SYTL2: variants seen among roughly 807,000 people sequenced by gnomAD.
SYTL2 encodes the protein synaptotagmin like 2, also known as synaptotagmin-like protein 2.
Under a neutral mutation model 198.7 loss-of-function variants are expected in SYTL2, and 165 were observed. The observed-to-expected ratio is 0.83, with a 90% CI of 0.73 to 0.94. SYTL2 has a LOEUF of 0.94. Among genes scored for constraint, SYTL2 ranks in the 40% least tolerant of loss-of-function variants. The pLI is 0.00. For missense variants in SYTL2, 2,835 were observed against 2,582.8 expected (o/e 1.10, Z -2.12); for synonymous variants, 966 against 917.7 (o/e 1.05, Z -0.95).
At chr11:85,763,365 C>T (rs912215025) in intron 1 of SYTL2, among the ~76,000 whole-genome samples, 2 of 152,120 alleles carry the variant, frequency 1.3e-5, no homozygotes, top group African/African-American at 4.8e-5. Flanking sequence ...GTCAATTGTC[C>T]AAAAGTTAAG....
At chr11:85,773,912 T>C (rs182079101) in intron 1 of SYTL2, among the ~76,000 whole-genome samples, 16 of 152,238 alleles carry the variant, frequency 1.1e-4, no homozygotes, top group Admixed American at 2.6e-4. Flanking sequence ...AACTAAACCA[T>C]AGTTCTTAAA....
intron 8 of SYTL2, among the ~76,000 whole-genome samples, chr11:85,721,420 C>A (rs1379868307): frequency 6.6e-6 from 1 of 151,670 alleles, no homozygotes; most frequent in Non-Finnish European, 1.5e-5. Context: ...TTCTCCAGAT[C>A]AAAGGTTGTA....
the SYTL2 span, among the ~76,000 whole-genome samples, chr11:85,837,699 T>C: frequency 3.8e-3 from 577 of 152,278 alleles, 6 homozygotes; most frequent in African/African-American, 0.014. Context: ...CCAAATCTGA[T>C]TTCTACCCTG....
chr11:85,724,243 C>T lies in SYTL2; in HGVS notation c.5115G>A (p.Glu1705=). The T allele has an allele frequency of 1.3e-6, 2 of 1,569,652 alleles. No homozygotes were observed. The highest frequency in any genetic ancestry group is 2.8e-5 in the African/African-American group (2 of 72,696). Reference sequence around the variant, plus strand: ...TGGACACACTAATTGCTTCAGAAGCCTCTCCAAAGCCAGGTTCCTGAAGAG... The same window carrying T: ...TGGACACACTAATTGCTTCAGAAGCTTCTCCAAAGCCAGGTTCCTGAAGAG... ...QGTLQEPGFG[E]ASEAISVSRN... Residue 1705 remains glutamate, a synonymous_variant, in exon 8 of 20, where the codon GAG becomes GAA. Coordinates refer to ENST00000359152, the MANE Select transcript of SYTL2 (RefSeq NM_206927.4).
chr11:85,757,775 T>C lies in SYTL2; in HGVS notation c.-50A>G. On this transcript the variant is annotated 5_prime_UTR_variant, in exon 2 of 20. Transcript: ENST00000359152. ...TAGCAACAAATGTGGCTCAAAATTC[T>C]CAGGGCTGAACAACTAAGACTGCAA... 6.2e-7 allele frequency: 1 copy of C among 1,601,686 alleles called. No individual in the cohort carries two copies. Among genetic ancestry groups the C allele is most frequent in the Non-Finnish European group, 8.5e-7 (1 of 1,178,274 alleles).
chr11:85,736,658 G>A (rs573856475), intron 5 of SYTL2, 43 bp from the exon 6 acceptor site: 1 of 1,082,650 alleles, frequency 9.2e-7, no homozygotes, highest in Non-Finnish European at 1.4e-6. Flanking sequence ...TAAATGTCAT[G>A]ACAGCAACTC....
In SYTL2 at chr11:85,695,118, G is replaced by T; in HGVS notation, c.*77C>A. On this transcript the variant is annotated 3_prime_UTR_variant, in exon 20 of 20. Coordinates refer to ENST00000359152, the MANE Select transcript of SYTL2 (RefSeq NM_206927.4). The stretch of plus-strand genomic sequence containing the variant: ...CAATAGATAGAAAGTGAGGATATTT[G>T]TCCACCTACTCAGATTTTCAAGATC... 2 of 1,441,730 alleles carry T rather than the reference G, an allele frequency of 1.4e-6. No individual in the cohort carries two copies. Among genetic ancestry groups the T allele is most frequent in the Non-Finnish European group, 1.9e-6 (2 of 1,054,730 alleles). The allele number at this position is 1,441,730 out of a possible 1,614,324, so 89.3% of individuals were successfully genotyped here.
chr11:85,741,072 T>C (rs522290), intron 4 of SYTL2, among the ~76,000 whole-genome samples: 4 of 122,542 alleles, frequency 3.3e-5, no homozygotes, highest in African/African-American at 1.3e-4. Flanking sequence ...TTTTCTGAGG[T>C]TTTTTTTTTT....
chr11:85,749,511 A>G (rs537787788), intron 2 of SYTL2, among the ~76,000 whole-genome samples: 2 of 152,278 alleles, frequency 1.3e-5, no homozygotes, highest in Non-Finnish European at 2.9e-5. Context: ...TGGGAAAAAG[A>G]GGGGGAGCAG....
At chr11:85,747,343 A>G (rs765139964) in intron 3 of SYTL2, among the ~76,000 whole-genome samples, 1 of 152,086 alleles carries the variant, frequency 6.6e-6, no homozygotes. Flanking sequence ...AATACGCACT[A>G]TCATAGTAAC....
At chr11:85,816,566 C>G in the SYTL2 span, among the ~76,000 whole-genome samples, 1 of 152,144 alleles carries the variant, frequency 6.6e-6, no homozygotes, top group African/African-American at 2.4e-5. Context: ...TCTGCATACA[C>G]GTGCAAAACA....
At chr11:85,830,338 T>C in the SYTL2 span, among the ~76,000 whole-genome samples, 1 of 151,806 alleles carries the variant, frequency 6.6e-6, no homozygotes, top group Non-Finnish European at 1.5e-5. Flanking sequence ...TCATCAATTT[T>C]CATTCTGAGA....
At position 85,700,741 on chromosome 11, in the gene SYTL2, G is replaced by A. The variant is rs1242548123; in HGVS notation, c.6190-148C>T. On this transcript the variant is annotated intron_variant, in intron 16 of 19. Transcript: ENST00000359152. ...TGGATTAAAATTTCTCTCTGCATCA[G>A]AACTAGACTGTTGCCTTAATACCTG... 4 of 603,370 alleles carry A rather than the reference G, an allele frequency of 6.6e-6. No homozygotes were observed. In the South Asian group the frequency reaches 8.6e-5, roughly 13 times the overall value. 37.4% of individuals were successfully genotyped at this position (603,370 alleles called of 1,614,324 possible). A position where few individuals can be genotyped will look rare whatever the true frequency, so the allele number is the denominator to read the frequency against.
rs750024264 is a variant in SYTL2 at position 85,734,037 on chromosome 11, C to T, written c.1292G>A (p.Arg431Lys). Residue 431 changes from arginine (R) to lysine (K), a missense_variant, in exon 7 of 20, where the codon AGA (arginine) becomes AAA (lysine). By Grantham distance (26) the Arg-to-Lys change is conservative. Coordinates refer to ENST00000359152, the MANE Select transcript of SYTL2 (RefSeq NM_206927.4). ...TGGTGAATTCTCCATAGACTGTGGT[C>T]TTGCAGTTAAAACTTCTGAATGAGA... ...LHSHSEVLTA[R>K]PQSMENSPTI... 2 of 1,614,026 alleles carry T rather than the reference C, an allele frequency of 1.2e-6. No individual in the cohort carries two copies. Among genetic ancestry groups the T allele is most frequent in the Non-Finnish European group, 1.7e-6 (2 of 1,179,886 alleles).
At chr11:85,789,344 A>ATATATATATATATATATATATATATGTG (rs2092689320) in intron 1 of SYTL2, among the ~76,000 whole-genome samples, 1 of 18,662 alleles carries the variant, frequency 5.4e-5, no homozygotes, top group Non-Finnish European at 1.3e-4. Flanking sequence ...GTGTGTGTAT[A>ATATATATATATATATATATATATATGTG]TATATATATA....
chr11:85,731,314 C>T (rs193048052), intron 7 of SYTL2, among the ~76,000 whole-genome samples: 9 of 152,298 alleles, frequency 5.9e-5, no homozygotes, highest in South Asian at 2.1e-4. Flanking sequence ...GGAGGCATCA[C>T]GCTACCTGAC....
chr11:85,766,081 T>C (rs902110715), intron 1 of SYTL2, among the ~76,000 whole-genome samples: 4 of 151,790 alleles, frequency 2.6e-5, no homozygotes, highest in African/African-American at 9.7e-5. Flanking sequence ...GAGAAGGAGG[T>C]AGGCATTCTG....
intron 1 of SYTL2, among the ~76,000 whole-genome samples, chr11:85,791,310 G>C (rs2092727931): frequency 6.6e-6 from 1 of 151,330 alleles, no homozygotes; most frequent in South Asian, 2.1e-4. Context: ...CAAAGAAAGA[G>C]CCCTCACTCA....
intron 1 of SYTL2, among the ~76,000 whole-genome samples, chr11:85,786,881 A>C (rs1482257837): frequency 1.3e-5 from 2 of 152,250 alleles, no homozygotes; most frequent in Non-Finnish European, 2.9e-5. Context: ...CCCATGTTTT[A>C]TACCTGTTTG....
Sources: allele counts gnomAD v4.1 joint callset (sites outside exome capture counted in the v4.1 genomes callset), GRCh38; gene constraint gnomAD v4.1.1; transcripts MANE v1.5; gene names NCBI Gene and HGNC (gene_info 2026-07-23, HGNC 2026-07-21).